Variants in IMMT observed in about 807,000 individuals in gnomAD.
IMMT encodes the protein MICOS complex subunit MIC60.
In IMMT, 40 loss-of-function variants were observed where a neutral mutation model predicts 92.7. The ratio of observed to expected loss-of-function variants is 0.43; its 90% CI spans 0.34 to 0.56. IMMT has a LOEUF of 0.56. IMMT is among the 20% of genes least tolerant of loss of function. The pLI is 0.03. For synonymous variants in IMMT, 322 were observed against 336.1 expected (o/e 0.96, Z 0.46); for missense variants, 831 against 912.1 (o/e 0.91, Z 1.14).
At chr2:86,166,444 G>C (rs551693196) in intron 7 of IMMT, 64 bp downstream of exon 7, 1 of 1,495,924 alleles carries the variant, frequency 6.7e-7, no homozygotes, top group Non-Finnish European at 9.1e-7. Context: ...CTCCACCCTC[G>C]ATTTTTCTTT....
intron 5 of IMMT, 141 bp downstream of exon 5, chr2:86,171,067 A>C (rs1677049764): frequency 1.2e-6 from 1 of 816,860 alleles, no homozygotes; most frequent in Admixed American, 2.9e-5. Context: ...TCGGACATTT[A>C]AATTTTAAAA....
chr2:86,158,684 T>C lies in IMMT; in HGVS notation c.1070A>G (p.Gln357Arg). 2 of 1,604,636 alleles carry C rather than the reference T, an allele frequency of 1.2e-6. No individual in the cohort carries two copies. Among genetic ancestry groups the C allele is most frequent in the Non-Finnish European group, 1.7e-6 (2 of 1,174,492 alleles). Residue 357 changes from glutamine to arginine, a missense_variant, in exon 10 of 15, where the codon CAG becomes CGG. Physicochemically the swap from Gln to Arg is conservative, Grantham distance 43 (BLOSUM62 1). Transcript: ENST00000410111. ...AAQSEAKVVS[Q>R]YHELVVQARD... The stretch of plus-strand genomic sequence containing the variant: ...AGCTTGGACCACCAGCTCATGATAC[T>C]GAGATACAACCTTAGCCTCAGACTG...
At chr2:86,181,242 A>C (rs1160866093) in intron 2 of IMMT, 57 bp downstream of exon 2, 1 of 1,307,262 alleles carries the variant, frequency 7.6e-7, no homozygotes, top group Admixed American at 1.7e-5. Flanking sequence ...AGGAAAACAC[A>C]CACTCCCTAA....
At chr2:86,193,077 A>AGGAG (rs1673260355) in intron 1 of IMMT, 1 of 152,964 alleles carries the variant, frequency 6.5e-6, no homozygotes, top group South Asian at 2.1e-4. Context: ...AATGGACTCT[A>AGGAG]GGAGGGAACA....
intron 1 of IMMT, 113 bp downstream of exon 1, chr2:86,195,225 G>T: frequency 8.6e-7 from 1 of 1,166,768 alleles, no homozygotes; most frequent in Non-Finnish European, 1.2e-6. Flanking sequence ...GACGAGGGTG[G>T]CCCTGAGGCT....
At chr2:86,166,487 C>CA in intron 7 of IMMT, 21 bp downstream of exon 7, 1 of 1,597,316 alleles carries the variant, frequency 6.3e-7, no homozygotes, top group South Asian at 1.1e-5. Flanking sequence ...CAGAACACTT[C>CA]TAATCATTCA....
At chr2:86,178,620 C>A (rs573515409) in intron 3 of IMMT, among the ~76,000 whole-genome samples, 2 of 151,474 alleles carry the variant, frequency 1.3e-5, no homozygotes, top group Non-Finnish European at 2.9e-5. Context: ...AGCAAGACTC[C>A]GTCTTGGAAA....
chr2:86,170,743 A>T lies in IMMT; in HGVS notation c.655+6T>A, dbSNP rs1281814607. The T allele has an allele frequency of 6.4e-7, 1 of 1,560,372 alleles. No homozygotes were observed. The highest frequency in any genetic ancestry group is 1.2e-5 in the South Asian group (1 of 85,226). The stretch of plus-strand genomic sequence containing the variant: ...AAATCCTTAAGAAGCTGTCTGGTTT[A>T]CATACACTCAATTTTAACTTGTTCT... On this transcript the variant is annotated splice_donor_region_variant and intron_variant, in intron 6 of 14. Coordinates refer to ENST00000410111, the MANE Select transcript of IMMT (RefSeq NM_006839.3).
intron 3 of IMMT, among the ~76,000 whole-genome samples, chr2:86,176,504 C>CG (rs1677438074): frequency 6.6e-6 from 1 of 151,936 alleles, no homozygotes; most frequent in Admixed American, 6.6e-5. Context: ...AATAGGGGTA[C>CG]GGATAGTGGT....
intron 11 of IMMT, among the ~76,000 whole-genome samples, chr2:86,152,631 C>T (rs1333047166): frequency 6.6e-6 from 1 of 150,438 alleles, no homozygotes; most frequent in African/African-American, 2.4e-5. Flanking sequence ...CATGGGGGCA[C>T]ATGCCTGTAA....
chr2:86,161,097 T>TAAA lies in IMMT; in HGVS notation c.896+876_896+878dup, dbSNP rs11438083. Among the ~76,000 whole-genome samples, 656 of 140,634 alleles carry TAAA rather than the reference T, an allele frequency of 4.7e-3. 6 individuals are homozygous for TAAA. The highest frequency in any genetic ancestry group is 0.014 in the African/African-American group (520 of 37,810). 92.3% of individuals were successfully genotyped at this position (140,634 alleles called of 152,430 possible). A position where few individuals can be genotyped will look rare whatever the true frequency, so the allele number is the denominator to read the frequency against. ...TGGGCAACAGAGCAAGACCATGAAT[T>TAAA]AAAAAAAAAAAAAAAAAATCCTTTA... On this transcript the variant is annotated intron_variant, in intron 8 of 14. Transcript: ENST00000410111.
chr2:86,151,620 C>A lies in IMMT; in HGVS notation c.1178-100G>T, dbSNP rs766789074. On this transcript the variant is annotated intron_variant, in intron 11 of 14. Transcript: ENST00000410111. ...CTGATTATAATTTAAGAGCAGTAAA[C>A]GAAAGTAAAACTTAGCTAACATGAA... The A allele has an allele frequency of 1.2e-5, 10 of 867,622 alleles. No individual in the cohort carries two copies. The East Asian group carries it at 2.6e-4, about 23-fold the overall frequency. 53.7% of individuals were successfully genotyped at this position (867,622 alleles called of 1,614,324 possible).
intron 12 of IMMT, among the ~76,000 whole-genome samples, chr2:86,149,068 T>C (rs991998073): frequency 8.5e-5 from 13 of 152,300 alleles, no homozygotes; most frequent in Middle Eastern, 3.4e-3. Flanking sequence ...CAAGGACCTG[T>C]TGTGAAGCAT....
chr2:86,170,899 C>CT, intron 5 of IMMT, 55 bp from the exon 6 acceptor site: 2 of 1,302,046 alleles, frequency 1.5e-6, no homozygotes, highest in Non-Finnish European at 2.2e-6. Context: ...ATTTTAATAG[C>CT]TAACAGGGAT....
Position 86,145,409 on chromosome 2 carries a change from C to T in IMMT, c.1664-528G>A, listed in dbSNP as rs139790941. Among the ~76,000 whole-genome samples the T allele has an allele frequency of 4.0e-3, 593 of 147,124 alleles. 1 individual carries two copies. Among genetic ancestry groups the T allele is most frequent in the African/African-American group, 0.014 (566 of 39,826 alleles). On this transcript the variant is annotated intron_variant, in intron 14 of 14. Coordinates refer to ENST00000410111, the MANE Select transcript of IMMT (RefSeq NM_006839.3). ...ACTCAGGAGTCTGAGGCAGGAGAAT[C>T]GCTTGAACCCAGGAGGCGGAGGCTG...
At chr2:86,164,528 G>A (rs906662811) in intron 7 of IMMT, among the ~76,000 whole-genome samples, 2 of 151,480 alleles carry the variant, frequency 1.3e-5, no homozygotes, top group Non-Finnish European at 2.9e-5. Context: ...CTCTCTGTAC[G>A]AAAAATACAA....
intron 12 of IMMT, among the ~76,000 whole-genome samples, chr2:86,149,048 A>AC: frequency 6.6e-6 from 1 of 152,234 alleles, no homozygotes; most frequent in Non-Finnish European, 1.5e-5. Flanking sequence ...TCTACATATG[A>AC]CTGAGCAGGC....
chr2:86,167,192 GAC>G (rs1676749554), intron 6 of IMMT, among the ~76,000 whole-genome samples: 1 of 119,786 alleles, frequency 8.3e-6, no homozygotes, highest in African/African-American at 3.2e-5. Flanking sequence ...TTTTTTTTGA[GAC>G]AGAGTCTCGC....
At chr2:86,146,008 T>C (rs1220992280) in intron 14 of IMMT, 60 bp downstream of exon 14, 2 of 1,334,416 alleles carry the variant, frequency 1.5e-6, no homozygotes, top group Non-Finnish European at 2.0e-6. Context: ...CCCTATAAAA[T>C]TATTTTGATA....
Sources: allele counts gnomAD v4.1 joint callset (sites outside exome capture counted in the v4.1 genomes callset), GRCh38; gene constraint gnomAD v4.1.1; transcripts MANE v1.5; gene names NCBI Gene and HGNC (gene_info 2026-07-23, HGNC 2026-07-21).